SGCZ: variants seen among roughly 807,000 people sequenced by gnomAD.
The protein encoded by SGCZ is sarcoglycan zeta.
In SGCZ, 40 loss-of-function variants were observed where a neutral mutation model predicts 41.3. The ratio of observed to expected loss-of-function variants is 0.97; its 90% CI spans 0.75 to 1.26. SGCZ has a LOEUF of 1.26. Among genes scored for constraint, SGCZ ranks in the 50% most tolerant of loss-of-function variants. The pLI, the probability that SGCZ is intolerant of heterozygous loss-of-function variation, is 0.00. For missense variants in SGCZ, 552 were observed against 369.8 expected (o/e 1.49, Z -4.04); for synonymous variants, 206 against 137.5 (o/e 1.50, Z -3.49).
At chr8:14,242,230 A>C (rs879272105) in intron 3 of SGCZ, among the ~76,000 whole-genome samples, 13 of 152,240 alleles carry the variant, frequency 8.5e-5, no homozygotes, top group African/African-American at 3.1e-4. Context: ...CATTCTCTCC[A>C]GTTTAACTAT....
At chr8:14,773,780 C>A (rs185302462) in intron 1 of SGCZ, among the ~76,000 whole-genome samples, 1 of 152,106 alleles carries the variant, frequency 6.6e-6, no homozygotes, top group African/African-American at 2.4e-5. Flanking sequence ...AGACTCTTAA[C>A]CAAGGATGAA....
At chr8:14,608,818 C>T (rs561225601) in intron 1 of SGCZ, among the ~76,000 whole-genome samples, 4 of 151,840 alleles carry the variant, frequency 2.6e-5, no homozygotes, top group Admixed American at 1.3e-4. Context: ...CGAACCATAT[C>T]GGCAAGTGTA....
intron 1 of SGCZ, among the ~76,000 whole-genome samples, chr8:14,882,679 T>C (rs1446802291): frequency 2.6e-5 from 4 of 152,166 alleles, no homozygotes; most frequent in Admixed American, 2.0e-4. Flanking sequence ...AATCCCATTG[T>C]TTGATTACGA....
chr8:14,438,101 C>A (rs891454889), intron 2 of SGCZ, among the ~76,000 whole-genome samples: 1 of 149,718 alleles, frequency 6.7e-6, no homozygotes, highest in Non-Finnish European at 1.5e-5. Flanking sequence ...TATTTTAGAG[C>A]CAACGCTGAA....
chr8:14,109,088 G>A (rs1333835471), intron 5 of SGCZ, among the ~76,000 whole-genome samples: 1 of 152,128 alleles, frequency 6.6e-6, no homozygotes. Context: ...CAGTAACCAC[G>A]AAAAGCTAGA....
At chr8:14,424,288 T>C (rs1385623788) in intron 2 of SGCZ, among the ~76,000 whole-genome samples, 1 of 152,160 alleles carries the variant, frequency 6.6e-6, no homozygotes, top group Non-Finnish European at 1.5e-5. Context: ...GTTTTTCTCA[T>C]TATAATAATG....
At chr8:14,695,789 C>G (rs1808940245) in intron 1 of SGCZ, among the ~76,000 whole-genome samples, 1 of 151,894 alleles carries the variant, frequency 6.6e-6, no homozygotes, top group African/African-American at 2.4e-5. Flanking sequence ...GGCACATTTA[C>G]TAGCAAAAGT....
chr8:14,427,057 T>C (rs1228380481), intron 2 of SGCZ, among the ~76,000 whole-genome samples: 1 of 142,878 alleles, frequency 7.0e-6, no homozygotes, highest in African/African-American at 2.6e-5. Context: ...AATGAATGAA[T>C]GAATGAATGA....
chr8:14,543,070 G>T (rs972112026), intron 2 of SGCZ, among the ~76,000 whole-genome samples: 3 of 151,686 alleles, frequency 2.0e-5, no homozygotes, highest in African/African-American at 4.8e-5. Context: ...TAATCTGTCT[G>T]TTCTGCTTGG....
At chr8:14,558,598 GAGAGAGAGAGAGA>G in intron 1 of SGCZ, among the ~76,000 whole-genome samples, 2 of 151,178 alleles carry the variant, frequency 1.3e-5, no homozygotes, top group East Asian at 2.0e-4. Context: ...GAGAGAGAGA[GAGAGAGAGAGAGA>G]GAATCTTCCA....
At chr8:14,735,648 G>T (rs1471396941) in intron 1 of SGCZ, among the ~76,000 whole-genome samples, 3 of 152,116 alleles carry the variant, frequency 2.0e-5, no homozygotes, top group East Asian at 1.9e-4. Flanking sequence ...GGCCTATAGT[G>T]AGACTTCACC....
intron 1 of SGCZ, among the ~76,000 whole-genome samples, chr8:14,599,755 A>G (rs555799938): frequency 6.6e-6 from 1 of 152,272 alleles, no homozygotes; most frequent in East Asian, 1.9e-4. Context: ...TAAAGCTCTG[A>G]CATTAGTCCT....
intron 2 of SGCZ, among the ~76,000 whole-genome samples, chr8:14,384,061 C>A (rs1163414743): frequency 6.6e-6 from 1 of 151,550 alleles, no homozygotes; most frequent in Non-Finnish European, 1.5e-5. Flanking sequence ...GTGTGCTGCA[C>A]CCATTAACTC....
chr8:14,158,926 A>G (rs971048132), intron 5 of SGCZ, among the ~76,000 whole-genome samples: 1 of 151,948 alleles, frequency 6.6e-6, no homozygotes, highest in African/African-American at 2.4e-5. Context: ...CCACCAGCAC[A>G]CTGGCTAATT....
intron 1 of SGCZ, among the ~76,000 whole-genome samples, chr8:15,132,061 C>T (rs193226216): frequency 7.9e-5 from 12 of 152,176 alleles, no homozygotes; most frequent in Non-Finnish European, 1.8e-4. Context: ...GGTGGAAGTA[C>T]ATAAAAGCCC....
At chr8:14,814,258 TAC>T (rs1801827223) in intron 1 of SGCZ, among the ~76,000 whole-genome samples, 2 of 152,182 alleles carry the variant, frequency 1.3e-5, no homozygotes, top group African/African-American at 2.4e-5. Flanking sequence ...GGGACCTGAC[TAC>T]GCCTCTACCT....
chr8:15,049,874 C>T (rs1280789056), intron 1 of SGCZ, among the ~76,000 whole-genome samples: 5 of 152,136 alleles, frequency 3.3e-5, no homozygotes. Context: ...GTCTTGCCTG[C>T]CACCATATAA....
In SGCZ at chr8:15,189,667, G is replaced by C. The variant is rs532736940; in HGVS notation, c.39+47918C>G. 3.4e-4 allele frequency among the ~76,000 whole-genome samples: 51 copies of C among 151,974 alleles called. 1 individual carries two copies. In the South Asian group the frequency reaches 0.01, roughly 30 times the overall value. ...ACTGGAACCTCTGCCTCCTACCTGA[G>C]CCTCCCAAGTAGCTGGGATTACAGG... is the stretch of plus-strand genomic sequence containing the variant. On this transcript the variant is annotated intron_variant, in intron 1 of 7. Coordinates refer to ENST00000382080, the MANE Select transcript of SGCZ (RefSeq NM_139167.4).
intron 3 of SGCZ, among the ~76,000 whole-genome samples, chr8:14,260,202 C>G (rs1203142125): frequency 1.3e-5 from 2 of 151,994 alleles, no homozygotes; most frequent in Admixed American, 6.6e-5. Context: ...ACTCATCTGA[C>G]AAAGGGCTAA....
Sources: gnomAD v4.1 joint callset for allele counts (sites outside exome capture counted in the v4.1 genomes callset) on GRCh38, gnomAD v4.1.1 for gene constraint, MANE v1.5 for transcripts, NCBI Gene and HGNC (gene_info 2026-07-23, HGNC 2026-07-21) for gene names.